The following PDE10A variants were observed in gnomAD, a reference collection of about 807,000 sequenced individuals.
PDE10A encodes phosphodiesterase 10A.
Under a neutral mutation model 97.7 loss-of-function variants are expected in PDE10A, and 39 were observed. The ratio of observed to expected loss-of-function variants is 0.40; its 90% CI spans 0.31 to 0.52. The LOEUF is 0.52. Ranked by LOEUF, PDE10A falls within the 20% of genes least tolerant of loss-of-function variation. The pLI is 0.56. For synonymous variants in PDE10A, 371 were observed against 376.8 expected (o/e 0.98, Z 0.18); for missense variants, 731 against 1,047.8 (o/e 0.70, Z 4.17).
At chr6:165,527,611 C>T (rs936633678) in intron 2 of PDE10A, among the ~76,000 whole-genome samples, 3 of 152,304 alleles carry the variant, frequency 2.0e-5, no homozygotes, top group East Asian at 3.9e-4. Context: ...CATCATGCGA[C>T]CTGAACTGCC....
intron 1 of PDE10A, among the ~76,000 whole-genome samples, chr6:165,810,602 C>T (rs1779257251): frequency 1.3e-5 from 2 of 152,192 alleles, no homozygotes; most frequent in South Asian, 4.1e-4. Context: ...GGTTGAACAT[C>T]TCTGGCACCA....
chr6:165,551,092 C>T (rs1007782442), intron 1 of PDE10A, among the ~76,000 whole-genome samples: 1 of 152,166 alleles, frequency 6.6e-6, no homozygotes, highest in Non-Finnish European at 1.5e-5. Context: ...CACCACACTG[C>T]TCATCAGCAA....
At chr6:165,688,653 A>G (rs542200638) in intron 1 of PDE10A, among the ~76,000 whole-genome samples, 8 of 152,364 alleles carry the variant, frequency 5.3e-5, no homozygotes, top group African/African-American at 1.9e-4. Flanking sequence ...TCCAGGACAC[A>G]TCATCAGTGG....
chr6:165,433,844 T>A (rs1482950870), intron 6 of PDE10A, among the ~76,000 whole-genome samples: 1 of 151,248 alleles, frequency 6.6e-6, no homozygotes, highest in South Asian at 2.1e-4. Flanking sequence ...TGAAACACCA[T>A]CTCTACTAAA....
chr6:165,356,790 C>A (rs916239949), intron 18 of PDE10A, among the ~76,000 whole-genome samples: 2 of 152,024 alleles, frequency 1.3e-5, no homozygotes, highest in Non-Finnish European at 2.9e-5. Context: ...TTGCTTAATT[C>A]GCTTATTAAT....
At chr6:165,532,686 G>A (rs1411143669) in intron 2 of PDE10A, among the ~76,000 whole-genome samples, 3 of 152,052 alleles carry the variant, frequency 2.0e-5, no homozygotes, top group East Asian at 1.9e-4. Flanking sequence ...GGTGAGACCC[G>A]ACCCATGACA....
intron 3 of PDE10A, among the ~76,000 whole-genome samples, chr6:165,462,894 T>C (rs182236906): frequency 6.6e-6 from 1 of 152,342 alleles, no homozygotes; most frequent in African/African-American, 2.4e-5. Context: ...CAGTTACACA[T>C]GCTTTCTGAT....
chr6:165,722,990 G>A (rs1792204443), intron 1 of PDE10A, among the ~76,000 whole-genome samples: 1 of 151,864 alleles, frequency 6.6e-6, no homozygotes, highest in Admixed American at 6.6e-5. Context: ...TGTTTGGATT[G>A]AATATAATAG....
intron 1 of PDE10A, among the ~76,000 whole-genome samples, chr6:165,729,942 C>A (rs968928548): frequency 6.6e-6 from 1 of 152,152 alleles, no homozygotes; most frequent in Admixed American, 6.5e-5. Flanking sequence ...TTGACTGCAA[C>A]GGAAAGACTT....
chr6:165,676,802 G>T lies in PDE10A; in HGVS notation c.-614-133234C>A, dbSNP rs899597413. Among the ~76,000 whole-genome samples, 11 of 152,106 alleles carry T rather than the reference G, an allele frequency of 7.2e-5. 1 individual carries two copies. Among genetic ancestry groups the T allele is most frequent in the African/African-American group, 2.7e-4 (11 of 41,416 alleles). On this transcript the variant is annotated intron_variant, in intron 1 of 19. Transcript: ENST00000366882. ...TTTCCCTGATGTGCTCTGGGAGGGC[G>T]GAGTGCCGTGGGACTGGCGAGCGCC... is the stretch of plus-strand genomic sequence containing the variant.
intron 1 of PDE10A, among the ~76,000 whole-genome samples, chr6:165,676,848 T>G (rs1163703510): frequency 6.6e-6 from 1 of 152,210 alleles, no homozygotes; most frequent in East Asian, 1.9e-4. Flanking sequence ...CCTGTCGGCA[T>G]GGACTTGCAA....
At chr6:165,338,458 A>C (rs1273833504) in intron 20 of PDE10A, among the ~76,000 whole-genome samples, 3 of 152,326 alleles carry the variant, frequency 2.0e-5, no homozygotes, top group African/African-American at 7.2e-5. Flanking sequence ...ACACATACAC[A>C]TGTGCAAAAC....
Position 165,943,195 on chromosome 6 carries a change from G to A in PDE10A, c.-615+44334C>T, listed in dbSNP as rs1326785949. ...AAGAAAAAAGAAAGAAAGAAAGAAAGAAAGAAAGAAAGAAAGAAAGAAAGA... is the reference window on the plus strand; with the variant it reads ...AAGAAAAAAGAAAGAAAGAAAGAAAAAAAGAAAGAAAGAAAGAAAGAAAGA... On this transcript the variant is annotated intron_variant, in intron 1 of 19. Coordinates refer to the PDE10A transcript ENST00000366882. 5.1e-3 allele frequency among the ~76,000 whole-genome samples: 252 copies of A among 49,114 alleles called. 22 individuals are homozygous for A. Among genetic ancestry groups the A allele is most frequent in the East Asian group, 0.014 (32 of 2,338 alleles). The allele number at this position is 49,114 out of a possible 152,430, so 32.2% of individuals were successfully genotyped here. A position where few individuals can be genotyped will look rare whatever the true frequency, so the allele number is the denominator to read the frequency against.
chr6:165,760,907 C>T (rs529682381), intron 1 of PDE10A, among the ~76,000 whole-genome samples: 6 of 152,274 alleles, frequency 3.9e-5, no homozygotes, highest in African/African-American at 9.6e-5. Flanking sequence ...AAAAGAGCTA[C>T]GTTCAAGCTA....
chr6:165,862,222 A>G (rs997122210), intron 1 of PDE10A, among the ~76,000 whole-genome samples: 2 of 152,240 alleles, frequency 1.3e-5, no homozygotes, highest in Admixed American at 1.3e-4. Context: ...ATGTAAAAAT[A>G]ATTCGGTGAT....
chr6:165,485,886 G>A (rs7774685), intron 2 of PDE10A, among the ~76,000 whole-genome samples: 7 of 152,304 alleles, frequency 4.6e-5, no homozygotes, highest in East Asian at 3.9e-4. Context: ...GAGCTACCGC[G>A]CCCGGCGGAG....
intron 13 of PDE10A, among the ~76,000 whole-genome samples, chr6:165,411,036 G>A (rs13208608): frequency 0.38 from 22,437 of 59,498 alleles, 6,105 homozygotes; most frequent in Middle Eastern, 0.55. Context: ...GCAGTGAGCC[G>A]AGACAGCGCC....
At chr6:165,932,067 G>T (rs1257160342) in intron 1 of PDE10A, among the ~76,000 whole-genome samples, 2 of 152,102 alleles carry the variant, frequency 1.3e-5, no homozygotes, top group Non-Finnish European at 2.9e-5. Context: ...CATCAAGCTA[G>T]TGCCGGTCCC....
At chr6:165,622,650 G>A (rs1369955537) in intron 1 of PDE10A, among the ~76,000 whole-genome samples, 1 of 152,170 alleles carries the variant, frequency 6.6e-6, no homozygotes, top group East Asian at 1.9e-4. Context: ...GATTGTGTAT[G>A]TAGACATGCA....
Sources: allele counts gnomAD v4.1 joint callset (sites outside exome capture counted in the v4.1 genomes callset), GRCh38; gene constraint gnomAD v4.1.1; transcripts MANE v1.5; gene names NCBI Gene and HGNC (gene_info 2026-07-23, HGNC 2026-07-21).